The following IGF2BP1 variants were observed in gnomAD, a reference collection of about 807,000 sequenced individuals.
IGF2BP1 encodes the protein insulin-like growth factor 2 mRNA-binding protein 1.
In IGF2BP1, 11 loss-of-function variants were observed where a neutral mutation model predicts 74.9. That is an observed-to-expected ratio of 0.15 (90% CI 0.09 to 0.24). IGF2BP1 has a LOEUF of 0.24. Among genes scored for constraint, IGF2BP1 ranks in the 10% least tolerant of loss-of-function variants. IGF2BP1 has a pLI of 1.00. For missense variants in IGF2BP1, 440 were observed against 757.4 expected, an observed-to-expected ratio of 0.58 and a Z score of 4.92; for synonymous variants, 287 against 281.8, an observed-to-expected ratio of 1.02 and a Z score of -0.18.
chr17:49,029,829 G>A (rs994093421), intron 4 of IGF2BP1, among the ~76,000 whole-genome samples: 2 of 150,066 alleles, frequency 1.3e-5, no homozygotes, highest in East Asian at 1.9e-4. Flanking sequence ...TTGTAGAGAC[G>A]GGGTCTCCCT....
chr17:49,003,945 T>G (rs974047906), intron 2 of IGF2BP1, among the ~76,000 whole-genome samples: 10 of 152,042 alleles, frequency 6.6e-5, no homozygotes, highest in African/African-American at 2.4e-4. Flanking sequence ...CTTTTGGAGT[T>G]GCCGGCCTTC....
At chr17:49,019,904 T>TTATATGTA in intron 2 of IGF2BP1, among the ~76,000 whole-genome samples, 1 of 43,906 alleles carries the variant, frequency 2.3e-5, no homozygotes, top group South Asian at 1.1e-3. Context: ...CCTGGCTAAT[T>TTATATGTA]TATATATATA....
chr17:49,010,346 T>G (rs2041602253), intron 2 of IGF2BP1, among the ~76,000 whole-genome samples: 1 of 143,278 alleles, frequency 7.0e-6, no homozygotes, highest in Non-Finnish European at 1.5e-5. Flanking sequence ...TGAGACAGTC[T>G]TGCTCTGTCG....
intron 8 of IGF2BP1, among the ~76,000 whole-genome samples, chr17:49,041,988 C>T (rs2042057813): frequency 6.6e-6 from 1 of 152,214 alleles, no homozygotes; most frequent in African/African-American, 2.4e-5. Flanking sequence ...CTTGGAGGCA[C>T]AACCATAATC....
chr17:49,007,642 C>T (rs1259131565), intron 2 of IGF2BP1, among the ~76,000 whole-genome samples: 1 of 152,144 alleles, frequency 6.6e-6, no homozygotes, highest in African/African-American at 2.4e-5. Context: ...TCTGGAGTGG[C>T]ATTTGGGATT....
At chr17:49,037,403 GA>G (rs2042002568) in intron 5 of IGF2BP1, 1 of 477,130 alleles carries the variant, frequency 2.1e-6, no homozygotes, top group Non-Finnish European at 3.9e-6. Flanking sequence ...TCTACAAAGA[GA>G]AGGCTACAGA....
chr17:49,024,539 AC>A (rs2041829440), intron 2 of IGF2BP1, among the ~76,000 whole-genome samples: 1 of 152,228 alleles, frequency 6.6e-6, no homozygotes, highest in African/African-American at 2.4e-5. Context: ...ATTCACAGAT[AC>A]ATCTATTGTT....
intron 14 of IGF2BP1, among the ~76,000 whole-genome samples, chr17:49,048,999 C>T (rs1445602292): frequency 1.3e-5 from 2 of 151,904 alleles, no homozygotes; most frequent in Non-Finnish European, 2.9e-5. Context: ...ATATTTCTGC[C>T]TAGAAACTCT....
Position 49,054,441 on chromosome 17 carries a change from C to G in IGF2BP1, c.*4997C>G, listed in dbSNP as rs978714627. On this transcript the variant is annotated 3_prime_UTR_variant, in exon 15 of 15. Transcript: ENST00000290341. ...ATAAGGGTATGAATCCCAGCCAGGA[C>G]AAGTGAGTTGAGGCTTGTGCCACAA... is the stretch of plus-strand genomic sequence containing the variant. 1 of 152,652 alleles carries G rather than the reference C, an allele frequency of 6.6e-6. No individual in the cohort carries two copies. The highest frequency in any genetic ancestry group is 2.4e-5 in the African/African-American group (1 of 41,438). 9.5% of individuals were successfully genotyped at this position (152,652 alleles called of 1,614,324 possible).
intron 4 of IGF2BP1, among the ~76,000 whole-genome samples, chr17:49,030,721 G>T (rs1260702357): frequency 6.6e-6 from 1 of 151,688 alleles, no homozygotes; most frequent in Admixed American, 6.6e-5. Flanking sequence ...CCACGTCCCG[G>T]GTTCAAGCGA....
chr17:49,031,197 T>C (rs888209980), intron 4 of IGF2BP1, among the ~76,000 whole-genome samples: 2 of 152,164 alleles, frequency 1.3e-5, no homozygotes, highest in African/African-American at 4.8e-5. Context: ...AACCTCCGCC[T>C]CCCAGGTTCA....
At chr17:49,005,707 G>C (rs2041544273) in intron 2 of IGF2BP1, among the ~76,000 whole-genome samples, 1 of 152,062 alleles carries the variant, frequency 6.6e-6, no homozygotes, top group South Asian at 2.1e-4. Context: ...ATGAAAAGAA[G>C]GTTAAGGAGA....
chr17:49,039,882 G>T, intron 6 of IGF2BP1, 75 bp from the exon 7 acceptor site: 1 of 1,508,114 alleles, frequency 6.6e-7, no homozygotes, highest in Non-Finnish European at 9.1e-7. Context: ...GACTGAGGAG[G>T]GGTAGTGGGG....
chr17:49,012,063 A>C (rs931970135), intron 2 of IGF2BP1, among the ~76,000 whole-genome samples: 1 of 152,078 alleles, frequency 6.6e-6, no homozygotes, highest in African/African-American at 2.4e-5. Context: ...GTGCCACCAC[A>C]CCTGGCAAAT....
chr17:49,002,777 G>T (rs905265691), intron 2 of IGF2BP1, among the ~76,000 whole-genome samples: 2 of 151,714 alleles, frequency 1.3e-5, no homozygotes, highest in African/African-American at 4.8e-5. Flanking sequence ...TGGAGGAAAG[G>T]TGGAAACTGG....
At chr17:49,045,830 ACTTTTCT>A (rs1385995138) in intron 12 of IGF2BP1, 53 bp from the exon 13 acceptor site, 1 of 1,559,716 alleles carries the variant, frequency 6.4e-7, no homozygotes, top group Non-Finnish European at 8.7e-7. Flanking sequence ...CCTTTTTCCC[ACTTTTCT>A]CTTTTGTCAC....
chr17:49,019,904 TTATATATATATATATATATA>T lies in IGF2BP1; in HGVS notation c.237-5688_237-5669del, dbSNP rs60753189. On this transcript the variant is annotated intron_variant, in intron 2 of 14. Coordinates refer to ENST00000290341, the MANE Select transcript of IGF2BP1 (RefSeq NM_006546.4). ...GACCACAGGTGCACACCTGGCTAAT[TTATATATATATATATATATA>T]TATATATATATATATATATATATAT... 2.2e-3 allele frequency among the ~76,000 whole-genome samples: 98 copies of T among 43,906 alleles called. 4 individuals are homozygous for T. Among genetic ancestry groups the T allele is most frequent in the East Asian group, 9.7e-3 (15 of 1,544 alleles). 28.8% of individuals were successfully genotyped at this position (43,906 alleles called of 152,430 possible). A position where few individuals can be genotyped will look rare whatever the true frequency, so the allele number is the denominator to read the frequency against.
At chr17:49,044,887 T>C in intron 11 of IGF2BP1, 104 bp from the exon 12 acceptor site, 1 of 915,482 alleles carries the variant, frequency 1.1e-6, no homozygotes, top group Non-Finnish European at 1.8e-6. Context: ...GTCTTCAGAA[T>C]GGGTAGTTGG....
intron 2 of IGF2BP1, among the ~76,000 whole-genome samples, chr17:49,016,912 C>G (rs9902512): frequency 0.36 from 54,207 of 149,758 alleles, 10,386 homozygotes; most frequent in African/African-American, 0.44. Flanking sequence ...CCTCCCCTCC[C>G]CGCCCCCGCC....
Sources: allele counts gnomAD v4.1 joint callset (sites outside exome capture counted in the v4.1 genomes callset), GRCh38; gene constraint gnomAD v4.1.1; transcripts MANE v1.5; gene names NCBI Gene and HGNC (gene_info 2026-07-23, HGNC 2026-07-21).